Variants in EFL1 observed in about 807,000 individuals in gnomAD.
The protein encoded by EFL1 is elongation factor like GTPase 1.
A neutral mutation model predicts 126.7 loss-of-function variants in EFL1; 76 were observed. The observed-to-expected ratio is 0.60, with a 90% CI of 0.50 to 0.73. The LOEUF (loss-of-function observed/expected upper bound fraction) is 0.73. Ranked by LOEUF, EFL1 falls within the 30% of genes least tolerant of loss-of-function variation. The probability of loss-of-function intolerance (pLI) is 0.00; values close to 1 mark genes in which losing one functional copy is unlikely to be tolerated. For missense variants in EFL1, 1,128 were observed against 1,343.2 expected (o/e 0.84, Z 2.50); for synonymous variants, 410 against 448.4 (o/e 0.91, Z 1.08).
chr15:82,190,110 T>TA (rs76997618), intron 15 of EFL1, among the ~76,000 whole-genome samples: 30,302 of 136,794 alleles, frequency 0.22, 3,413 homozygotes, highest in Non-Finnish European at 0.27. Context: ...GACTCTGTCT[T>TA]AAAAAAAAAA....
intron 19 of EFL1, among the ~76,000 whole-genome samples, chr15:82,135,866 G>A (rs2073715741): frequency 1.3e-5 from 2 of 152,152 alleles, no homozygotes; most frequent in African/African-American, 2.4e-5. Context: ...AGGTAGAACG[G>A]CCACTTTGGA....
intron 7 of EFL1, among the ~76,000 whole-genome samples, chr15:82,237,472 C>T (rs2074884849): frequency 6.6e-6 from 1 of 152,286 alleles, no homozygotes; most frequent in East Asian, 1.9e-4. Flanking sequence ...TTAGTACACA[C>T]CCAACAGAAT....
At chr15:82,163,416 C>T (rs1166660103) in intron 16 of EFL1, among the ~76,000 whole-genome samples, 1 of 152,166 alleles carries the variant, frequency 6.6e-6, no homozygotes, top group Non-Finnish European at 1.5e-5. Flanking sequence ...TGGTGGATGC[C>T]TGCAATCCCA....
chr15:82,162,870 C>T, intron 16 of EFL1, among the ~76,000 whole-genome samples: 1 of 152,208 alleles, frequency 6.6e-6, no homozygotes, highest in East Asian at 1.9e-4. Flanking sequence ...TACACCTCAA[C>T]AGAAAACTAC....
intron 15 of EFL1, among the ~76,000 whole-genome samples, chr15:82,210,572 C>A (rs2074573245): frequency 6.6e-6 from 1 of 152,006 alleles, no homozygotes; most frequent in South Asian, 2.1e-4. Context: ...TCAATAGACA[C>A]CACGTGGGGC....
At chr15:82,165,696 C>G (rs1032767722) in intron 15 of EFL1, among the ~76,000 whole-genome samples, 4 of 152,206 alleles carry the variant, frequency 2.6e-5, no homozygotes, top group Non-Finnish European at 4.4e-5. Flanking sequence ...TCCAAAGGTT[C>G]ACAGAAAATG....
intron 15 of EFL1, among the ~76,000 whole-genome samples, chr15:82,212,104 T>C (rs2074596806): frequency 6.6e-6 from 1 of 152,172 alleles, no homozygotes; most frequent in African/African-American, 2.4e-5. Context: ...CCTGCCATCA[T>C]ATAATGACAA....
At chr15:82,155,239 C>T (rs972557594) in intron 17 of EFL1, among the ~76,000 whole-genome samples, 19 of 152,182 alleles carry the variant, frequency 1.2e-4, no homozygotes, top group African/African-American at 4.1e-4. Flanking sequence ...TGGTGGCTCA[C>T]GTCTGTAATC....
intron 15 of EFL1, among the ~76,000 whole-genome samples, chr15:82,185,837 G>A (rs1407584298): frequency 6.6e-6 from 1 of 152,094 alleles, no homozygotes; most frequent in Non-Finnish European, 1.5e-5. Context: ...GGGCGTATTT[G>A]CATATGGAAA....
chr15:82,154,172 A>T (rs2073942892), intron 17 of EFL1, among the ~76,000 whole-genome samples: 1 of 152,200 alleles, frequency 6.6e-6, no homozygotes, highest in Non-Finnish European at 1.5e-5. Flanking sequence ...ACACTCACAA[A>T]GCACCTCAGG....
intron 13 of EFL1, 116 bp downstream of exon 13, chr15:82,219,961 GA>G: frequency 6.7e-7 from 1 of 1,489,420 alleles, no homozygotes; most frequent in Admixed American, 2.3e-5. Flanking sequence ...AGAATGGAAA[GA>G]ATATTGATAA....
intron 7 of EFL1, among the ~76,000 whole-genome samples, chr15:82,235,347 T>C (rs1252586938): frequency 6.6e-6 from 1 of 152,170 alleles, no homozygotes; most frequent in East Asian, 1.9e-4. Flanking sequence ...GTATCAAAGT[T>C]GATATAAATA....
chr15:82,147,521 A>G (rs1478615939), intron 18 of EFL1, among the ~76,000 whole-genome samples: 2 of 128,948 alleles, frequency 1.6e-5, no homozygotes, highest in Non-Finnish European at 3.5e-5. Flanking sequence ...GCACGTGTGT[A>G]ATCCCAGCTA....
intron 12 of EFL1, among the ~76,000 whole-genome samples, chr15:82,222,764 G>T (rs1177395132): frequency 1.3e-5 from 2 of 152,294 alleles, no homozygotes; most frequent in East Asian, 3.9e-4. Flanking sequence ...GGCCCTACTA[G>T]TGAGGAAACA....
intron 15 of EFL1, among the ~76,000 whole-genome samples, chr15:82,169,471 G>A (rs2074111629): frequency 6.6e-6 from 1 of 152,106 alleles, no homozygotes; most frequent in Non-Finnish European, 1.5e-5. Context: ...GAGCTGGGAA[G>A]AAGGGACAAG....
chr15:82,225,229 C>T lies in EFL1; in HGVS notation c.1228G>A (p.Val410Ile), dbSNP rs1177650265. The change falls in exon 12 of 20, where the codon GTT (valine) becomes ATT (isoleucine). Residue 410 changes from valine to isoleucine, a missense_variant. Around this residue, in one of 6 missense-constraint regions of EFL1, gnomAD observed 316 missense variants for 318.5 expected, o/e 0.99. Transcript: ENST00000268206. ...MKCGSEDTAP[V>I]IIFVSKMFAV... ...AACATTTTGGAAACAAATATAATAA[C>T]TGGAGCAGTGTCCTCACTTCCACAT... 7.4e-6 allele frequency: 12 copies of T among 1,612,046 alleles called. No individual in the cohort carries two copies. The highest frequency in any genetic ancestry group is 1.0e-5 in the Non-Finnish European group (12 of 1,179,442).
intron 7 of EFL1, chr15:82,233,627 T>C (rs2074844716): frequency 6.6e-6 from 1 of 152,208 alleles, no homozygotes; most frequent in South Asian, 2.1e-4. Flanking sequence ...CTCAGTTCTA[T>C]GTATCTAAAA....
Position 82,152,360 on chromosome 15 carries a change from T to C in EFL1, c.2094A>G (p.Lys698=), listed in dbSNP as rs370130018. The stretch of plus-strand genomic sequence containing the variant: ...CATTGACCATGTCAACTTTTGGGGG[T>C]TTTGTGATTGTTTCTCTGAATGGAA... ...PIIPFRETIT[K]PPKVDMVNEE... is the part of the protein sequence containing the mutation. Residue 698 remains lysine (K), a synonymous_variant, in exon 18 of 20, where the codon AAA becomes AAG. Transcript: ENST00000268206. 15 of 1,613,528 alleles carry C rather than the reference T, an allele frequency of 9.3e-6. No homozygotes were observed. Among genetic ancestry groups the C allele is most frequent in the Non-Finnish European group, 1.3e-5 (15 of 1,180,028 alleles).
intron 19 of EFL1, among the ~76,000 whole-genome samples, chr15:82,131,296 TA>T (rs1333879694): frequency 2.6e-5 from 4 of 152,092 alleles, no homozygotes; most frequent in East Asian, 1.9e-4. Flanking sequence ...TTATTACATA[TA>T]TTTTTTTATT....
Sources: allele counts gnomAD v4.1 joint callset (sites outside exome capture counted in the v4.1 genomes callset), GRCh38; gene constraint gnomAD v4.1.1; regional missense constraint gnomAD v4.1.1; transcripts MANE v1.5; gene names NCBI Gene and HGNC (gene_info 2026-07-23, HGNC 2026-07-21).